FANCB: variants seen among roughly 807,000 people sequenced by gnomAD.
The protein encoded by FANCB is FA complementation group B, also known as Fanconi anemia group B protein.
A neutral mutation model predicts 38.9 loss-of-function variants in FANCB; 5 were observed. The ratio of observed to expected loss-of-function variants is 0.13; its 90% CI spans 0.07 to 0.27. The LOEUF is 0.27. Among genes scored for constraint, FANCB ranks in the 10% least tolerant of loss-of-function variants. FANCB has a pLI of 1.00. For synonymous variants in FANCB, 236 were observed against 215.4 expected (o/e 1.10, Z -0.84); for missense variants, 573 against 602.7 (o/e 0.95, Z 0.52).
chrX:14,867,034 T>C (rs922618867), intron 2 of FANCB, among the ~76,000 whole-genome samples: 3 of 110,333 alleles, frequency 2.7e-5, no homozygotes, highest in African/African-American at 9.9e-5. Context: ...ACCAAAAAGG[T>C]CAATGATCTC....
chrX:14,692,597 G>T, the FANCB span, among the ~76,000 whole-genome samples: 1 of 111,787 alleles, frequency 8.9e-6, no homozygotes, highest in Non-Finnish European at 1.9e-5. Flanking sequence ...ATTCCTTTCA[G>T]ATGTTGATTT....
intron 6 of FANCB, among the ~76,000 whole-genome samples, chrX:14,851,078 A>C (rs1466536374): frequency 8.9e-6 from 1 of 112,543 alleles, no homozygotes; most frequent in Non-Finnish European, 1.9e-5. Context: ...AAACTGATTA[A>C]ACTATCTTTA....
chrX:14,782,115 C>T, the FANCB span, among the ~76,000 whole-genome samples: 1 of 112,399 alleles, frequency 8.9e-6, no homozygotes, highest in African/African-American at 3.2e-5. Flanking sequence ...TGAGTCCTAA[C>T]AACTCTTTCT....
chrX:14,741,212 T>C, the FANCB span, among the ~76,000 whole-genome samples: 1 of 111,786 alleles, frequency 8.9e-6, no homozygotes, highest in Non-Finnish European at 1.9e-5. Context: ...TAAAAATCAC[T>C]GTCAAAACTT....
At chrX:14,853,573 A>G (rs1330017525) in intron 5 of FANCB, among the ~76,000 whole-genome samples, 1 of 112,362 alleles carries the variant, frequency 8.9e-6, no homozygotes, top group Non-Finnish European at 1.9e-5. Context: ...CACATAAGCA[A>G]AGACAGCATA....
rs1316961996 is a variant in FANCB, at chrX:14,865,435, G to C, written c.76C>G (p.Gln26Glu). 1.8e-5 allele frequency: 22 copies of C among 1,208,027 alleles called. No homozygotes were observed. Among genetic ancestry groups the C allele is most frequent in the Non-Finnish European group, 2.5e-5 (22 of 894,094 alleles). The change falls in exon 3 of 10, where the codon CAG becomes GAG. Residue 26 changes from glutamine (Q) to glutamate (E), a missense_variant. Gln to Glu is a conservative substitution (Grantham distance 29, BLOSUM62 2). Transcript: ENST00000650831. ...LCYNGEVLVF[Q>E]LSKGNFADKE... ...TCTGCAAAATTTCCTTTAGACAACTGGAAAACAAGGACTTCCCCATTATAA... is the reference window on the plus strand; with the variant it reads ...TCTGCAAAATTTCCTTTAGACAACTCGAAAACAAGGACTTCCCCATTATAA...
the FANCB span, among the ~76,000 whole-genome samples, chrX:14,690,421 C>T: frequency 9.0e-6 from 1 of 111,546 alleles, no homozygotes; most frequent in Admixed American, 9.5e-5. Context: ...GTAGTGAGAA[C>T]ACTTAAAATC....
chrX:14,851,624 C>T (rs113820357), intron 6 of FANCB, among the ~76,000 whole-genome samples: 3,962 of 111,238 alleles, frequency 0.036, 139 homozygotes, highest in African/African-American at 0.11. Flanking sequence ...TACTACCTGC[C>T]GCCAGGTTTG....
At chrX:14,707,410 C>T in the FANCB span, among the ~76,000 whole-genome samples, 1 of 111,424 alleles carries the variant, frequency 9.0e-6, no homozygotes, top group Admixed American at 9.5e-5. Flanking sequence ...AAGAACAGTG[C>T]CTTGCATACA....
chrX:14,722,335 G>C, the FANCB span, among the ~76,000 whole-genome samples: 1 of 111,077 alleles, frequency 9.0e-6, no homozygotes, highest in African/African-American at 3.3e-5. Context: ...CTCCACATGG[G>C]CTACTTTGAG....
the FANCB span, among the ~76,000 whole-genome samples, chrX:14,738,481 G>A: frequency 3.6e-5 from 4 of 111,822 alleles, no homozygotes; most frequent in African/African-American, 6.5e-5. Context: ...AATCCCCAAC[G>A]GATATTATTA....
chrX:14,723,408 C>A, the FANCB span, among the ~76,000 whole-genome samples: 3 of 112,309 alleles, frequency 2.7e-5, no homozygotes, highest in East Asian at 8.4e-4. Context: ...CATCTCTCAT[C>A]TGGACCATTG....
rs138192474 is a variant in FANCB at position 14,859,207 on chromosome X, G to A, written c.1079C>T (p.Thr360Met). ...NSDCLTSFKI[T>M]DLGKINYSSE... ...CGAATAGTTTATTTTTCCAAGATCC[G>A]TTATTTTAAATGAAGTCAGGCAGTC... Residue 360 changes from threonine to methionine, a missense_variant, in exon 4 of 10, where the codon ACG becomes ATG. Coordinates refer to ENST00000650831, the MANE Select transcript of FANCB (RefSeq NM_001018113.3). 4.5e-5 allele frequency: 53 copies of A among 1,185,339 alleles called. No homozygotes were observed. Among genetic ancestry groups the A allele is most frequent in the East Asian group, 3.3e-4 (11 of 33,522 alleles).
At chrX:14,775,418 G>A in the FANCB span, among the ~76,000 whole-genome samples, 1 of 111,790 alleles carries the variant, frequency 8.9e-6, no homozygotes, top group Non-Finnish European at 1.9e-5. Flanking sequence ...TGCGAAGGCA[G>A]GCAGGACTCC....
the FANCB span, among the ~76,000 whole-genome samples, chrX:14,823,433 G>C: frequency 1.8e-5 from 2 of 111,529 alleles, no homozygotes; most frequent in Non-Finnish European, 3.8e-5. Flanking sequence ...TATGTCTCTT[G>C]AATGCAGCAC....
the FANCB span, among the ~76,000 whole-genome samples, chrX:14,799,454 G>A: frequency 8.9e-6 from 1 of 112,058 alleles, no homozygotes; most frequent in African/African-American, 3.2e-5. Context: ...TATTAGTTCT[G>A]TTTCGCTGGC....
At position 14,845,234 on chromosome X, in the gene FANCB, T is replaced by C. The variant is rs768004295; in HGVS notation, c.1549A>G (p.Arg517Gly). ...SLLMDQAHDSRFRLLKCQNRV... is the reference protein window; with the variant it reads ...SLLMDQAHDSGFRLLKCQNRV... ...TTTTGACACTTTAGAAGCCGAAATC[T>C]GGAGTCATGGGCTTGATCCATTAAC... Residue 517 changes from arginine to glycine, a missense_variant, in exon 8 of 10, where the codon AGA becomes GGA. By Grantham distance (125) the Arg-to-Gly change is moderately radical. Transcript: ENST00000650831. 1.2e-5 allele frequency: 15 copies of C among 1,210,131 alleles called. 1 individual carries two copies. In the South Asian group the frequency reaches 2.5e-4, roughly 20 times the overall value.
intron 5 of FANCB, among the ~76,000 whole-genome samples, chrX:14,854,979 T>A (rs1256056118): frequency 8.9e-6 from 1 of 112,335 alleles, no homozygotes; most frequent in East Asian, 2.8e-4. Flanking sequence ...TCTGCATGTA[T>A]CAGGCTTTAG....
chrX:14,777,548 G>T, the FANCB span, among the ~76,000 whole-genome samples: 1 of 112,041 alleles, frequency 8.9e-6, no homozygotes, highest in African/African-American at 3.2e-5. Flanking sequence ...GTAATCTGAT[G>T]ATTTCAATTA....
Sources: gnomAD v4.1 joint callset for allele counts (sites outside exome capture counted in the v4.1 genomes callset) on GRCh38, gnomAD v4.1.1 for gene constraint, MANE v1.5 for transcripts, NCBI Gene and HGNC (gene_info 2026-07-23, HGNC 2026-07-21) for gene names.